Variants in LRRFIP1 observed in about 807,000 individuals in gnomAD.
LRRFIP1 encodes the protein leucine-rich repeat flightless-interacting protein 1.
A neutral mutation model predicts 104.4 loss-of-function variants in LRRFIP1; 62 were observed. The ratio of observed to expected loss-of-function variants is 0.59; its 90% CI spans 0.48 to 0.73. LRRFIP1 has a LOEUF of 0.73. LRRFIP1 is among the 30% of genes least tolerant of loss of function. The pLI, the probability that LRRFIP1 is intolerant of heterozygous loss-of-function variation, is 0.00. For missense variants in LRRFIP1, 796 were observed against 824.5 expected (o/e 0.97, Z 0.42); for synonymous variants, 300 against 299.0 (o/e 1.00, Z -0.03).
At chr2:237,676,574 C>T (rs1441534111) in intron 1 of LRRFIP1, among the ~76,000 whole-genome samples, 3 of 152,156 alleles carry the variant, frequency 2.0e-5, no homozygotes, top group South Asian at 2.1e-4. Context: ...GACACGATCT[C>T]GGCTCATTGC....
intron 1 of LRRFIP1, among the ~76,000 whole-genome samples, chr2:237,632,251 C>CAAGGACTCCAGTTGTGGAG (rs2082479698): frequency 6.6e-6 from 1 of 152,244 alleles, no homozygotes; most frequent in Non-Finnish European, 1.5e-5. Context: ...GCATTGCCCC[C>CAAGGACTCCAGTTGTGGAG]AAGGCAGCCT....
At chr2:237,755,210 C>T (rs961538964) in intron 15 of LRRFIP1, among the ~76,000 whole-genome samples, 3 of 152,196 alleles carry the variant, frequency 2.0e-5, no homozygotes, top group Admixed American at 1.3e-4. Flanking sequence ...GCTTCCTGGG[C>T]TGAGCCTCAG....
intron 7 of LRRFIP1, among the ~76,000 whole-genome samples, chr2:237,727,095 C>T (rs368958355): frequency 2.6e-5 from 4 of 152,186 alleles, no homozygotes; most frequent in Admixed American, 1.3e-4. Context: ...CGATGGCTCA[C>T]GCCTGTAATC....
At chr2:237,638,238 C>T (rs2083371558) in intron 1 of LRRFIP1, among the ~76,000 whole-genome samples, 1 of 152,174 alleles carries the variant, frequency 6.6e-6, no homozygotes, top group South Asian at 2.1e-4. Flanking sequence ...GAGACAGTGA[C>T]AGATCATCAG....
chr2:237,753,608 C>A, intron 15 of LRRFIP1, 129 bp downstream of exon 15: 1 of 661,620 alleles, frequency 1.5e-6, no homozygotes, highest in Non-Finnish European at 2.4e-6. Context: ...CCAGCCTGGG[C>A]AACATGGCGA....
chr2:237,719,034 A>G (rs2094446470), intron 4 of LRRFIP1, among the ~76,000 whole-genome samples: 2 of 152,274 alleles, frequency 1.3e-5, no homozygotes, highest in Admixed American at 6.5e-5. Flanking sequence ...TAACTGAGCA[A>G]CTTGGATTAT....
chr2:237,629,127 C>T (rs1312118843), intron 1 of LRRFIP1, among the ~76,000 whole-genome samples: 1 of 152,236 alleles, frequency 6.6e-6, no homozygotes, highest in African/African-American at 2.4e-5. Context: ...AAATATCTTA[C>T]TTTTGTATCC....
chr2:237,681,180 T>C (rs59712186), intron 1 of LRRFIP1, among the ~76,000 whole-genome samples: 1 of 152,134 alleles, frequency 6.6e-6, no homozygotes, highest in South Asian at 2.1e-4. Context: ...GGTCCTTTAC[T>C]GCTTCCTGAA....
chr2:237,780,441 A>AT lies in LRRFIP1; in HGVS notation c.*912dup, dbSNP rs1244927087. 2 of 145,002 alleles carry AT rather than the reference A, an allele frequency of 1.4e-5. No homozygotes were observed. Among genetic ancestry groups the AT allele is most frequent in the Non-Finnish European group, 3.0e-5 (2 of 66,092 alleles). 9.0% of individuals were successfully genotyped at this position (145,002 alleles called of 1,614,324 possible). A position where few individuals can be genotyped will look rare whatever the true frequency, so the allele number is the denominator to read the frequency against. Reference sequence around the variant, plus strand: ...CAAGTCAATTCATTTTTCTTTCCCTATTTAAAAAAAAAGGTGTTTTCACAG... The same window carrying AT: ...CAAGTCAATTCATTTTTCTTTCCCTATTTTAAAAAAAAAGGTGTTTTCACAG... On this transcript the variant is annotated 3_prime_UTR_variant, in exon 24 of 24. Transcript: ENST00000308482.
intron 9 of LRRFIP1, among the ~76,000 whole-genome samples, chr2:237,734,481 C>T (rs1575997556): frequency 1.3e-5 from 2 of 151,924 alleles, no homozygotes; most frequent in East Asian, 3.9e-4. Context: ...GGTTTCACCA[C>T]GTTGGCCAGG....
At chr2:237,644,908 G>A (rs372509502) in intron 1 of LRRFIP1, among the ~76,000 whole-genome samples, 2 of 152,244 alleles carry the variant, frequency 1.3e-5, no homozygotes, top group South Asian at 2.1e-4. Flanking sequence ...AAGGTGAAGC[G>A]CCCTTTCCCT....
intron 23 of LRRFIP1, among the ~76,000 whole-genome samples, chr2:237,777,003 C>T (rs867773742): frequency 7.9e-5 from 12 of 152,044 alleles, no homozygotes; most frequent in African/African-American, 1.9e-4. Context: ...CTATTCTTTT[C>T]AGTGATCACA....
chr2:237,677,452 G>A (rs2091288106), intron 1 of LRRFIP1, among the ~76,000 whole-genome samples: 1 of 152,078 alleles, frequency 6.6e-6, no homozygotes, highest in Non-Finnish European at 1.5e-5. Context: ...GGACACTTGG[G>A]TTGCTTCTAC....
At chr2:237,750,405 C>T (rs1389527369) in intron 13 of LRRFIP1, among the ~76,000 whole-genome samples, 9 of 137,450 alleles carry the variant, frequency 6.5e-5, no homozygotes, top group Non-Finnish European at 9.1e-5. Flanking sequence ...GGCACGATCT[C>T]GGCTCACTGC....
At chr2:237,715,567 C>T (rs758810997) in intron 3 of LRRFIP1, among the ~76,000 whole-genome samples, 5 of 152,190 alleles carry the variant, frequency 3.3e-5, no homozygotes, top group Non-Finnish European at 7.3e-5. Context: ...CTAGAAGGAG[C>T]CCCGGAAACC....
At chr2:237,645,492 G>GC (rs1258799331) in intron 1 of LRRFIP1, among the ~76,000 whole-genome samples, 1 of 151,852 alleles carries the variant, frequency 6.6e-6, no homozygotes, top group Non-Finnish European at 1.5e-5. Context: ...ACTTGCCACC[G>GC]CCAAAGCCAG....
chr2:237,746,406 G>A (rs1001687232), intron 11 of LRRFIP1, among the ~76,000 whole-genome samples: 1 of 152,090 alleles, frequency 6.6e-6, no homozygotes, highest in African/African-American at 2.4e-5. Context: ...TTCTTTCCAT[G>A]TGAAGTTGAG....
Position 237,720,907 on chromosome 2 carries a change from C to T in LRRFIP1, c.345+85C>T. On this transcript the variant is annotated intron_variant, in intron 6 of 23. Coordinates refer to ENST00000308482, the MANE Select transcript of LRRFIP1 (RefSeq NM_001137550.2). ...TCTCATCCCCGCATTCTGATTTCTT[C>T]TTCATTATCCCCGTGGTCTGATAGT... 3.3e-6 allele frequency: 4 copies of T among 1,198,548 alleles called. No homozygotes were observed. The South Asian group carries it at 4.9e-5, about 15-fold the overall frequency. The allele number at this position is 1,198,548 out of a possible 1,614,324, so 74.2% of individuals were successfully genotyped here. A position where few individuals can be genotyped will look rare whatever the true frequency, so the allele number is the denominator to read the frequency against.
At chr2:237,738,790 T>C (rs1361461746) in intron 10 of LRRFIP1, among the ~76,000 whole-genome samples, 1 of 152,260 alleles carries the variant, frequency 6.6e-6, no homozygotes, top group East Asian at 1.9e-4. Context: ...TCATTTTGCT[T>C]CCACTTGGAA....
Sources: gnomAD v4.1 joint callset for allele counts (sites outside exome capture counted in the v4.1 genomes callset) on GRCh38, gnomAD v4.1.1 for gene constraint, MANE v1.5 for transcripts, NCBI Gene and HGNC (gene_info 2026-07-23, HGNC 2026-07-21) for gene names.